PIWIL4: variants seen among roughly 807,000 people sequenced by gnomAD.
PIWIL4 encodes piwi like RNA-mediated gene silencing 4.
Under a neutral mutation model 100.9 loss-of-function variants are expected in PIWIL4, and 50 were observed. That is an observed-to-expected ratio of 0.50 (90% CI 0.39 to 0.63). The LOEUF (loss-of-function observed/expected upper bound fraction) is 0.63. Ranked by LOEUF, PIWIL4 falls within the 20% of genes least tolerant of loss-of-function variation. The pLI is 0.00. For missense variants in PIWIL4, 887 were observed against 1,043.3 expected, an observed-to-expected ratio of 0.85 and a Z score of 2.06; for synonymous variants, 342 against 367.5, an observed-to-expected ratio of 0.93 and a Z score of 0.79.
At chr11:94,613,673 C>G (rs1277823066) in intron 15 of PIWIL4, among the ~76,000 whole-genome samples, 2 of 152,156 alleles carry the variant, frequency 1.3e-5, no homozygotes, top group African/African-American at 4.8e-5. Context: ...TTCAAATGAC[C>G]TATCTTCAAA....
chr11:94,593,111 T>C (rs1387528662), intron 8 of PIWIL4, among the ~76,000 whole-genome samples: 2 of 152,160 alleles, frequency 1.3e-5, no homozygotes, highest in African/African-American at 2.4e-5. Flanking sequence ...AGCTTGTGTA[T>C]AGATATTTTC....
intron 2 of PIWIL4, among the ~76,000 whole-genome samples, chr11:94,573,947 A>C (rs1008073478): frequency 3.3e-5 from 5 of 152,256 alleles, no homozygotes; most frequent in Non-Finnish European, 7.4e-5. Flanking sequence ...GGTAACTGCC[A>C]TACTATGGTA....
At chr11:94,595,850 C>T (rs1948550824) in intron 10 of PIWIL4, among the ~76,000 whole-genome samples, 1 of 152,208 alleles carries the variant, frequency 6.6e-6, no homozygotes, top group Non-Finnish European at 1.5e-5. Context: ...GAAAACCCCA[C>T]TATGTGCCTT....
rs1169435616 is a variant in PIWIL4, at chr11:94,601,810, G to A, written c.1396G>A (p.Ala466Thr). 3 of 1,613,596 alleles carry A rather than the reference G, an allele frequency of 1.9e-6. No individual in the cohort carries two copies. Among genetic ancestry groups the A allele is most frequent in the Non-Finnish European group, 2.5e-6 (3 of 1,179,772 alleles). Residue 466 changes from alanine to threonine, a missense_variant, in exon 12 of 20, where the codon GCT becomes ACT. Around this residue, in one of 2 missense-constraint regions of PIWIL4, gnomAD observed 741 missense variants for 930.0 expected, o/e 0.80. Transcript: ENST00000299001. ...TTTTTCTCAGTGTCAACCTGTGTCT[G>A]CTGCTGACTGGTCCAAGGATATTCG... ...MQDHICQPVS[A>T]ADWSKDIRTC... is the part of the protein sequence containing the mutation.
intron 14 of PIWIL4, 41 bp downstream of exon 14, chr11:94,607,680 AT>A: frequency 3.9e-6 from 6 of 1,541,780 alleles, no homozygotes; most frequent in Non-Finnish European, 5.3e-6. Context: ...TAATTAATAA[AT>A]TTATTTTAAA....
chr11:94,593,711 C>A, intron 9 of PIWIL4, 70 bp downstream of exon 9: 2 of 1,532,226 alleles, frequency 1.3e-6, no homozygotes, highest in Non-Finnish European at 1.8e-6. Flanking sequence ...AGTGGGCAGA[C>A]CCTCTTTAAG....
At chr11:94,607,748 T>C in intron 14 of PIWIL4, 109 bp downstream of exon 14, 1 of 1,179,422 alleles carries the variant, frequency 8.5e-7, no homozygotes, top group Non-Finnish European at 1.2e-6. Context: ...TGCTTGTTTC[T>C]TGAGCCTTTG....
At chr11:94,585,088 T>G (rs1948380211) in intron 5 of PIWIL4, among the ~76,000 whole-genome samples, 2 of 151,882 alleles carry the variant, frequency 1.3e-5, no homozygotes, top group Non-Finnish European at 2.9e-5. Flanking sequence ...AGAAATAAGG[T>G]CTTCATCCCC....
intron 11 of PIWIL4, among the ~76,000 whole-genome samples, chr11:94,598,363 G>GA (rs1948586147): frequency 6.6e-6 from 1 of 152,070 alleles, no homozygotes; most frequent in South Asian, 2.1e-4. Context: ...TTAATCTTTC[G>GA]AAATAAAACA....
rs193226316 is a variant in PIWIL4 at position 94,607,609 on chromosome 11, C to T, written c.1809C>T (p.Leu603=). Residue 603 remains leucine, a synonymous_variant, in exon 14 of 20, where the codon CTC becomes CTT. Coordinates refer to ENST00000299001, the MANE Select transcript of PIWIL4 (RefSeq NM_152431.3). ...TKIAMQMTCK[L]GGELWAVEIP... ...TCGCTATGCAGATGACTTGCAAGCT[C>T]GGAGGCGAGCTGTGGGCTGTGGAAA... The T allele has an allele frequency of 1.2e-4, 192 of 1,613,996 alleles. 3 individuals carry two copies. The South Asian group carries it at 1.4e-3, about 12-fold the overall frequency.
intron 11 of PIWIL4, among the ~76,000 whole-genome samples, chr11:94,601,025 G>A (rs1948630957): frequency 1.3e-5 from 2 of 150,868 alleles, no homozygotes; most frequent in African/African-American, 4.9e-5. Context: ...TCTACAATTT[G>A]TGCAGTTAAT....
chr11:94,593,700 C>T lies in PIWIL4; in HGVS notation c.1150+59C>T, dbSNP rs7120750. ...CTGGATACAGGCCCCTGATGCTTGG[C>T]AGTGGGCAGACCCTCTTTAAGTTAC... On this transcript the variant is annotated intron_variant, in intron 9 of 19. Transcript: ENST00000299001. The T allele has an allele frequency of 7.5e-3, 11,891 of 1,575,498 alleles. 265 individuals carry two copies. In the African/African-American group the frequency reaches 0.079, roughly 10 times the overall value.
chr11:94,579,409 T>C (rs551531546), intron 4 of PIWIL4, among the ~76,000 whole-genome samples: 1 of 150,356 alleles, frequency 6.7e-6, no homozygotes, highest in African/African-American at 2.5e-5. Flanking sequence ...ATGTTACAAT[T>C]ACTACAAGAA....
At position 94,617,989 on chromosome 11, in the gene PIWIL4, T is replaced by C. The variant is rs770941737; in HGVS notation, c.2050T>C (p.Leu684=). ...LNKWYKYNHD[L]PARIIVYRAG... ...CAAATGGTACAAGTACAATCATGAT[T>C]TGCCAGCACGGATAATTGTGTACCG... is the stretch of plus-strand genomic sequence containing the variant. The change falls in exon 17 of 20, where the codon TTG becomes CTG. Residue 684 remains leucine (L), a synonymous_variant. Coordinates refer to ENST00000299001, the MANE Select transcript of PIWIL4 (RefSeq NM_152431.3). 35 of 1,613,714 alleles carry C rather than the reference T, an allele frequency of 2.2e-5. No individual in the cohort carries two copies. In the Admixed American group the frequency reaches 5.5e-4, roughly 25 times the overall value.
intron 14 of PIWIL4, chr11:94,608,049 C>T (rs895757051): frequency 5.3e-6 from 1 of 187,858 alleles, no homozygotes; most frequent in South Asian, 1.1e-4. Flanking sequence ...ATCCTCTTCT[C>T]TTCCCTGAAC....
rs199611477 is a variant in PIWIL4 at position 94,595,135 on chromosome 11, CCTTTT to C, written c.1151-170_1151-166del. On this transcript the variant is annotated intron_variant, in intron 9 of 19. Coordinates refer to ENST00000299001, the MANE Select transcript of PIWIL4 (RefSeq NM_152431.3). ...AGTAATTTCGTCTGTTTCTTTTTTGCCTTTTCTTAATGTGGCTACCAGAAAACTTA... is the reference window on the plus strand; with the variant it reads ...AGTAATTTCGTCTGTTTCTTTTTTGCCTTAATGTGGCTACCAGAAAACTTA... 4.6e-3 allele frequency among the ~76,000 whole-genome samples: 697 copies of C among 152,194 alleles called. 11 individuals are homozygous for C. Among genetic ancestry groups the C allele is most frequent in the African/African-American group, 0.015 (622 of 41,540 alleles).
At chr11:94,600,798 C>G (rs1948626546) in intron 11 of PIWIL4, among the ~76,000 whole-genome samples, 2 of 152,086 alleles carry the variant, frequency 1.3e-5, no homozygotes, top group Admixed American at 1.3e-4. Flanking sequence ...GACCTACTCC[C>G]AGGCGTGCAT....
At chr11:94,614,221 A>C (rs977488743) in intron 15 of PIWIL4, among the ~76,000 whole-genome samples, 2 of 151,444 alleles carry the variant, frequency 1.3e-5, no homozygotes, top group Non-Finnish European at 2.9e-5. Context: ...GCAATTCACA[A>C]ATCTCCATTT....
At chr11:94,589,262 C>G (rs552639609) in intron 8 of PIWIL4, 30 bp downstream of exon 8, 1 of 1,524,824 alleles carries the variant, frequency 6.6e-7, no homozygotes, top group African/African-American at 1.4e-5. Flanking sequence ...ATCTCTATCT[C>G]CTTTTCTTTT....
Sources: gnomAD v4.1 joint callset for allele counts (sites outside exome capture counted in the v4.1 genomes callset) on GRCh38, gnomAD v4.1.1 for gene constraint, gnomAD v4.1.1 regional missense constraint, MANE v1.5 for transcripts, NCBI Gene and HGNC (gene_info 2026-07-23, HGNC 2026-07-21) for gene names.